IL1RAPL2: variants seen among roughly 807,000 people sequenced by gnomAD.
IL1RAPL2 encodes interleukin 1 receptor accessory protein like 2, also known as X-linked interleukin-1 receptor accessory protein-like 2.
In IL1RAPL2, 3 loss-of-function variants were observed where a neutral mutation model predicts 44.1. That is an observed-to-expected ratio of 0.07 (90% confidence interval 0.03 to 0.18). The LOEUF is 0.18. Ranked by LOEUF, IL1RAPL2 falls within the 10% of genes least tolerant of loss-of-function variation. IL1RAPL2 has a pLI of 1.00. For synonymous variants in IL1RAPL2, 181 were observed against 178.8 expected (o/e 1.01, Z -0.10); for missense variants, 391 against 496.4 (o/e 0.79, Z 2.02).
chrX:104,680,114 T>C (rs1050283785), intron 2 of IL1RAPL2, among the ~76,000 whole-genome samples: 1 of 112,030 alleles, frequency 8.9e-6, no homozygotes, highest in Middle Eastern at 4.2e-3. Flanking sequence ...GAGCACACCA[T>C]GCAAGTGATG....
intron 2 of IL1RAPL2, among the ~76,000 whole-genome samples, chrX:105,155,393 A>T (rs1332824478): frequency 9.0e-6 from 1 of 111,136 alleles, no homozygotes; most frequent in Non-Finnish European, 1.9e-5. Flanking sequence ...GATTGGGGAA[A>T]ACTGGGTGAA....
chrX:105,512,108 G>A (rs1446318438), intron 6 of IL1RAPL2, among the ~76,000 whole-genome samples: 2 of 110,927 alleles, frequency 1.8e-5, no homozygotes, highest in Admixed American at 9.6e-5. Context: ...CCAGAAATAT[G>A]GCATTTCTGG....
intron 6 of IL1RAPL2, among the ~76,000 whole-genome samples, chrX:105,485,435 T>C (rs779593499): frequency 9.0e-6 from 1 of 111,261 alleles, no homozygotes; most frequent in South Asian, 3.8e-4. Context: ...ACCTGAAACA[T>C]TTATTCTTTC....
At chrX:105,398,452 TGA>T (rs1260014666) in intron 5 of IL1RAPL2, among the ~76,000 whole-genome samples, 1 of 111,298 alleles carries the variant, frequency 9.0e-6, no homozygotes, top group African/African-American at 3.3e-5. Flanking sequence ...ATTTTTGTCC[TGA>T]GAGAAAAATC....
At chrX:105,573,857 C>A (rs1474496420) in intron 6 of IL1RAPL2, among the ~76,000 whole-genome samples, 3 of 111,320 alleles carry the variant, frequency 2.7e-5, no homozygotes, top group Non-Finnish European at 5.7e-5. Context: ...ATATAACTAG[C>A]AATTTAGGCT....
chrX:104,719,885 G>A (rs1931643618), intron 2 of IL1RAPL2, among the ~76,000 whole-genome samples: 1 of 111,269 alleles, frequency 9.0e-6, no homozygotes, highest in African/African-American at 3.3e-5. Flanking sequence ...TTTGCCTCAG[G>A]GAAGATCAGA....
intron 2 of IL1RAPL2, among the ~76,000 whole-genome samples, chrX:104,913,817 T>C (rs1249110964): frequency 8.9e-6 from 1 of 112,172 alleles, no homozygotes; most frequent in East Asian, 2.8e-4. Flanking sequence ...ACATTTCTTC[T>C]TTAAAAATGT....
intron 6 of IL1RAPL2, among the ~76,000 whole-genome samples, chrX:105,703,810 C>G (rs779852555): frequency 2.7e-5 from 3 of 111,919 alleles, no homozygotes; most frequent in Non-Finnish European, 5.7e-5. Context: ...TAAAGATAAA[C>G]AGCATAACCT....
At chrX:104,848,461 ATCTC>A (rs1922127936) in intron 2 of IL1RAPL2, among the ~76,000 whole-genome samples, 1 of 89,417 alleles carries the variant, frequency 1.1e-5, no homozygotes, top group Admixed American at 1.3e-4. Flanking sequence ...AACTTAAACA[ATCTC>A]TCTTTGGTTT....
chrX:105,065,834 T>C (rs2032131207), intron 2 of IL1RAPL2, among the ~76,000 whole-genome samples: 1 of 112,012 alleles, frequency 8.9e-6, no homozygotes. Context: ...TTAAATTTGG[T>C]AACCAAGACA....
At chrX:104,793,730 G>T in intron 2 of IL1RAPL2, among the ~76,000 whole-genome samples, 1 of 111,374 alleles carries the variant, frequency 9.0e-6, no homozygotes, top group Middle Eastern at 4.6e-3. Context: ...CCTATATTTG[G>T]ATTTTCGAAA....
chrX:105,345,009 A>G (rs1441193724), intron 5 of IL1RAPL2, among the ~76,000 whole-genome samples: 1 of 111,939 alleles, frequency 8.9e-6, no homozygotes, highest in Non-Finnish European at 1.9e-5. Context: ...GTTTTGCTTC[A>G]TTGAACATTG....
intron 5 of IL1RAPL2, among the ~76,000 whole-genome samples, chrX:105,271,031 G>T (rs1214926888): frequency 8.9e-6 from 1 of 111,810 alleles, no homozygotes; most frequent in Non-Finnish European, 1.9e-5. Flanking sequence ...TTTCTTAAAG[G>T]TACATAGGTG....
intron 2 of IL1RAPL2, among the ~76,000 whole-genome samples, chrX:104,876,605 C>A (rs1354003855): frequency 1.0e-5 from 1 of 100,226 alleles, no homozygotes; most frequent in African/African-American, 3.6e-5. Context: ...AGTGGAGGTA[C>A]AAAAACTGGT....
At chrX:104,943,814 A>T (rs181571750) in intron 2 of IL1RAPL2, among the ~76,000 whole-genome samples, 2 of 112,000 alleles carry the variant, frequency 1.8e-5, no homozygotes, top group Admixed American at 1.9e-4. Flanking sequence ...TTTCCCCATT[A>T]TAATGCAAGT....
intron 2 of IL1RAPL2, among the ~76,000 whole-genome samples, chrX:105,047,057 C>G (rs2031849020): frequency 9.0e-6 from 1 of 110,854 alleles, no homozygotes; most frequent in African/African-American, 3.3e-5. Context: ...CCTATCTCAC[C>G]CTCCCTTGCC....
chrX:105,231,750 G>T (rs1556195992), intron 3 of IL1RAPL2, among the ~76,000 whole-genome samples: 1 of 112,206 alleles, frequency 8.9e-6, no homozygotes, highest in Non-Finnish European at 1.9e-5. Context: ...GAAAATGCCA[G>T]TGTGGCTGCA....
At chrX:105,060,864 T>C (rs2032067181) in intron 2 of IL1RAPL2, among the ~76,000 whole-genome samples, 1 of 110,740 alleles carries the variant, frequency 9.0e-6, no homozygotes, top group African/African-American at 3.3e-5. Context: ...CCAATGTTCC[T>C]TTAAATTTCT....
chrX:104,583,263 T>G (rs1928447773), intron 1 of IL1RAPL2, among the ~76,000 whole-genome samples: 1 of 111,320 alleles, frequency 9.0e-6, no homozygotes, highest in Non-Finnish European at 1.9e-5. Context: ...TAACATAAAT[T>G]TATCCATTTA....
Sources: gnomAD v4.1 joint callset for allele counts (sites outside exome capture counted in the v4.1 genomes callset) on GRCh38, gnomAD v4.1.1 for gene constraint, MANE v1.5 for transcripts, NCBI Gene and HGNC (gene_info 2026-07-23, HGNC 2026-07-21) for gene names.